PRKAB2: variants seen among roughly 807,000 people sequenced by gnomAD.
PRKAB2 encodes the protein 5'-AMP-activated protein kinase subunit beta-2.
PRKAB2 carries 18 observed loss-of-function variants against 29.8 expected under a neutral mutation model. The observed-to-expected ratio is 0.60, with a 90% CI of 0.42 to 0.89. The LOEUF (loss-of-function observed/expected upper bound fraction) is 0.89. Ranked by LOEUF, PRKAB2 falls within the 40% of genes least tolerant of loss-of-function variation. The pLI, the probability that PRKAB2 is intolerant of heterozygous loss-of-function variation, is 0.00. For synonymous variants in PRKAB2, 136 were observed against 125.9 expected (o/e 1.08, Z -0.54); for missense variants, 270 against 344.3 (o/e 0.78, Z 1.71).
At chr1:147,162,611 GAA>G in intron 5 of PRKAB2, 38 bp from the exon 6 acceptor site, 1 of 1,556,618 alleles carries the variant, frequency 6.4e-7, no homozygotes, top group African/African-American at 1.4e-5. Flanking sequence ...AAGAGTTGGA[GAA>G]TTAGCAAGAA....
At position 147,156,251 on chromosome 1, in the gene PRKAB2, T is replaced by C. The variant is rs782658454; in HGVS notation, c.*3314A>G. The C allele has an allele frequency of 6.6e-6, 1 of 152,608 alleles. No individual in the cohort carries two copies. The highest frequency in any genetic ancestry group is 1.5e-5 in the Non-Finnish European group (1 of 68,022). 9.5% of individuals were successfully genotyped at this position (152,608 alleles called of 1,614,324 possible). On this transcript the variant is annotated 3_prime_UTR_variant, in exon 8 of 8. Coordinates refer to ENST00000254101, the MANE Select transcript of PRKAB2 (RefSeq NM_005399.5). ...CACAGAGACTATTGCATATCATTTT[T>C]AGTTGAGGTCAAAATTATTAAAGCC...
chr1:147,166,049 T>C (rs1654232546), intron 5 of PRKAB2, among the ~76,000 whole-genome samples: 2 of 152,204 alleles, frequency 1.3e-5, no homozygotes, highest in Admixed American at 1.3e-4. Context: ...CCACATTTTT[T>C]GGACCTCATA....
At chr1:147,162,689 A>G in intron 5 of PRKAB2, 116 bp from the exon 6 acceptor site, 2 of 1,091,898 alleles carry the variant, frequency 1.8e-6, no homozygotes, top group Non-Finnish European at 2.5e-6. Flanking sequence ...TGGATCACAA[A>G]CTTGTGACCT....
chr1:147,162,365 C>G (rs1395439755), intron 6 of PRKAB2, 75 bp downstream of exon 6: 16 of 1,406,820 alleles, frequency 1.1e-5, no homozygotes, highest in African/African-American at 1.4e-5. Context: ...TAATCCTAAC[C>G]TCTAGGATTA....
rs868994376 is a variant in PRKAB2, at chr1:147,156,570, A to C, written c.*2995T>G. ...CTACCATACAAACATACGTTTTAAA[A>C]GCCAACACTATTGAGGTTAGGTATG... On this transcript the variant is annotated 3_prime_UTR_variant, in exon 8 of 8. Transcript: ENST00000254101. 1.3e-5 allele frequency: 2 copies of C among 152,166 alleles called. No individual in the cohort carries two copies. The highest frequency in any genetic ancestry group is 4.8e-5 in the African/African-American group (2 of 41,438). 9.4% of individuals were successfully genotyped at this position (152,166 alleles called of 1,614,324 possible).
At chr1:147,160,845 G>C (rs1265693227) in intron 7 of PRKAB2, 1 of 151,906 alleles carries the variant, frequency 6.6e-6, no homozygotes, top group Non-Finnish European at 1.5e-5. Flanking sequence ...TATAAAACAG[G>C]AGTTAAAAAT....
chr1:147,164,892 T>C (rs902904788), intron 5 of PRKAB2, among the ~76,000 whole-genome samples: 2 of 152,228 alleles, frequency 1.3e-5, no homozygotes, highest in Non-Finnish European at 2.9e-5. Context: ...ATGCAAAAAT[T>C]AGTCACAAGT....
Position 147,157,770 on chromosome 1 carries a change from T to C in PRKAB2, c.*1795A>G, listed in dbSNP as rs1476423077. 6.6e-6 allele frequency: 1 copy of C among 151,968 alleles called. No homozygotes were observed. The highest frequency in any genetic ancestry group is 1.5e-5 in the Non-Finnish European group (1 of 67,982). The allele number at this position is 151,968 out of a possible 1,614,324, so 9.4% of individuals were successfully genotyped here. A position where few individuals can be genotyped will look rare whatever the true frequency, so the allele number is the denominator to read the frequency against. On this transcript the variant is annotated 3_prime_UTR_variant, in exon 8 of 8. Coordinates refer to ENST00000254101, the MANE Select transcript of PRKAB2 (RefSeq NM_005399.5). ...TTTAAATGGCACACCATTCAAAAAG[T>C]GGTTGGGAACATAAAAGGTTCTCCA...
At chr1:147,160,571 G>A (rs1210887351) in intron 7 of PRKAB2, among the ~76,000 whole-genome samples, 7 of 152,160 alleles carry the variant, frequency 4.6e-5, no homozygotes, top group Non-Finnish European at 8.8e-5. Context: ...TATCCACCAT[G>A]AATGCTTCTC....
rs782005397 is a variant in PRKAB2, at chr1:147,167,975, C to T, written c.157-42G>A. On this transcript the variant is annotated intron_variant, in intron 2 of 7. Transcript: ENST00000254101. ...GTCATCCCTAGAATAAACTGTGACC[C>T]AAGAATTCTAAAAAGGTCACTCTCC... 23 of 1,566,360 alleles carry T rather than the reference C, an allele frequency of 1.5e-5. 1 individual carries two copies. Among genetic ancestry groups the T allele is most frequent in the Non-Finnish European group, 2.0e-5 (23 of 1,155,638 alleles).
intron 2 of PRKAB2, 46 bp from the exon 3 acceptor site, chr1:147,167,979 A>C: frequency 1.9e-6 from 3 of 1,563,750 alleles, no homozygotes; most frequent in Non-Finnish European, 2.6e-6. Flanking sequence ...GTGACCCAAG[A>C]ATTCTAAAAA....
chr1:147,169,445 T>C (rs1553914072), intron 2 of PRKAB2, among the ~76,000 whole-genome samples: 1 of 152,184 alleles, frequency 6.6e-6, no homozygotes, highest in East Asian at 1.9e-4. Context: ...GACATATGCC[T>C]AAGAATAACC....
chr1:147,159,470 G>T lies in PRKAB2; in HGVS notation c.*95C>A. 1 of 1,128,644 alleles carries T rather than the reference G, an allele frequency of 8.9e-7. No homozygotes were observed. Among genetic ancestry groups the T allele is most frequent in the Non-Finnish European group, 1.3e-6 (1 of 768,158 alleles). The allele number at this position is 1,128,644 out of a possible 1,614,324, so 69.9% of individuals were successfully genotyped here. ...CTGAAACACACATATCAGCCTCAAA[G>T]CAAATCAGCCTTCCAGTCTCAGGTA... On this transcript the variant is annotated 3_prime_UTR_variant, in exon 8 of 8. Transcript: ENST00000254101.
In PRKAB2 at chr1:147,166,535, C is replaced by T. The variant is rs949568745; in HGVS notation, c.501G>A (p.Lys167=). 19 of 1,613,820 alleles carry T rather than the reference C, an allele frequency of 1.2e-5. No individual in the cohort carries two copies. The highest frequency in any genetic ancestry group is 1.6e-5 in the Non-Finnish European group (19 of 1,179,856). Residue 167 remains lysine (K), a synonymous_variant, in exon 5 of 8, where the codon AAG becomes AAA. Coordinates refer to ENST00000254101, the MANE Select transcript of PRKAB2 (RefSeq NM_005399.5). The stretch of plus-strand genomic sequence containing the variant: ...TCTCAGAACTTTCCATAGAATCTAA[C>T]TTTAAAGCATCGAACACCTCAAAAT... The part of the protein sequence containing the change: ...KSDFEVFDAL[K]LDSMESSETS...
intron 2 of PRKAB2, among the ~76,000 whole-genome samples, chr1:147,169,530 A>G (rs1654413592): frequency 6.6e-6 from 1 of 152,222 alleles, no homozygotes; most frequent in South Asian, 2.1e-4. Flanking sequence ...ATGTTAAAAT[A>G]AAGGAAAAAA....
intron 1 of PRKAB2, 106 bp downstream of exon 1, chr1:147,172,323 C>T (rs1481255112): frequency 2.5e-6 from 2 of 812,618 alleles, no homozygotes; most frequent in African/African-American, 3.7e-5. Flanking sequence ...GCGGGAACGC[C>T]TGCAAATACC....
At chr1:147,169,144 G>C (rs587708670) in intron 2 of PRKAB2, among the ~76,000 whole-genome samples, 1 of 152,268 alleles carries the variant, frequency 6.6e-6, no homozygotes, top group East Asian at 1.9e-4. Context: ...AGACTGTATA[G>C]TATTAAGCCT....
chr1:147,156,044 G>C lies in PRKAB2; in HGVS notation c.*3521C>G, dbSNP rs1553912394. 5 of 152,250 alleles carry C rather than the reference G, an allele frequency of 3.3e-5. No homozygotes were observed. 9.4% of individuals were successfully genotyped at this position (152,250 alleles called of 1,614,324 possible). On this transcript the variant is annotated 3_prime_UTR_variant, in exon 8 of 8. Coordinates refer to ENST00000254101, the MANE Select transcript of PRKAB2 (RefSeq NM_005399.5). ...AAGACCCTAATGGCTACCCCTCCCA[G>C]GTCCTGCATTCCATGGGTAACTGGA...
At chr1:147,161,132 A>G (rs1653931433) in intron 7 of PRKAB2, among the ~76,000 whole-genome samples, 1 of 152,178 alleles carries the variant, frequency 6.6e-6, no homozygotes. Context: ...TTATTCCAAT[A>G]GCCAAACCAC....
Sources: allele counts gnomAD v4.1 joint callset (sites outside exome capture counted in the v4.1 genomes callset), GRCh38; gene constraint gnomAD v4.1.1; transcripts MANE v1.5; gene names NCBI Gene and HGNC (gene_info 2026-07-23, HGNC 2026-07-21).